RIBC2: variants seen among roughly 807,000 people sequenced by gnomAD.
RIBC2 encodes RIB43A domain with coiled-coils 2.
A neutral mutation model predicts 44.3 loss-of-function variants in RIBC2; 40 were observed. The ratio of observed to expected loss-of-function variants is 0.90; its 90% CI spans 0.70 to 1.18. The LOEUF (loss-of-function observed/expected upper bound fraction) is 1.18. RIBC2 is among the 50% of genes most tolerant of loss of function. The probability of loss-of-function intolerance (pLI) is 0.00; values close to 1 mark genes in which losing one functional copy is unlikely to be tolerated. For missense variants in RIBC2, 459 were observed against 485.5 expected (o/e 0.95, Z 0.51); for synonymous variants, 171 against 175.0 (o/e 0.98, Z 0.18).
chr22:45,430,358 G>T (rs1350823379), intron 5 of RIBC2, among the ~76,000 whole-genome samples: 1 of 152,220 alleles, frequency 6.6e-6, no homozygotes. Context: ...TCACAGTGAG[G>T]AGGGCAGTGA....
intron 5 of RIBC2, among the ~76,000 whole-genome samples, chr22:45,428,922 G>A (rs1053501990): frequency 6.6e-6 from 1 of 152,180 alleles, no homozygotes; most frequent in African/African-American, 2.4e-5. Context: ...TGTGGTCACC[G>A]CCTGCCTGAT....
chr22:45,424,698 C>G (rs1251966434), intron 4 of RIBC2, among the ~76,000 whole-genome samples: 1 of 151,972 alleles, frequency 6.6e-6, no homozygotes, highest in Non-Finnish European at 1.5e-5. Context: ...GTGGCTAGTC[C>G]CCGCAGGCTT....
At chr22:45,429,606 CT>C (rs2087561680) in intron 5 of RIBC2, among the ~76,000 whole-genome samples, 1 of 151,996 alleles carries the variant, frequency 6.6e-6, no homozygotes, top group Non-Finnish European at 1.5e-5. Flanking sequence ...GTGTGGGAGG[CT>C]GCAGTGGGGC....
intron 2 of RIBC2, among the ~76,000 whole-genome samples, chr22:45,415,046 A>C (rs575004021): frequency 6.6e-6 from 1 of 152,158 alleles, no homozygotes; most frequent in African/African-American, 2.4e-5. Flanking sequence ...TCCACTTCAA[A>C]TACAACTTAT....
chr22:45,421,167 C>T (rs1041363135), intron 3 of RIBC2, among the ~76,000 whole-genome samples: 14 of 151,826 alleles, frequency 9.2e-5, no homozygotes, highest in Non-Finnish European at 1.2e-4. Context: ...TGGTGGTGCG[C>T]GCCTGTAATC....
chr22:45,429,740 C>A (rs191530212), intron 5 of RIBC2, among the ~76,000 whole-genome samples: 5 of 152,112 alleles, frequency 3.3e-5, no homozygotes, highest in African/African-American at 1.2e-4. Context: ...CTGCCTGGAC[C>A]ATCTGGCACA....
At position 45,420,341 on chromosome 22, in the gene RIBC2, T is replaced by C. The variant is rs188390610; in HGVS notation, c.557-1949T>C. ...AGGGCTGTGCTAAAGTGCTATCTTA[T>C]CAGTGAGGCTTCCCCTGACCCCCCT... On this transcript the variant is annotated intron_variant, in intron 3 of 6. Transcript: ENST00000614167. Among the ~76,000 whole-genome samples, 438 of 152,288 alleles carry C rather than the reference T, an allele frequency of 2.9e-3. 3 individuals carry two copies. The highest frequency in any genetic ancestry group is 2.2e-3 in the Non-Finnish European group (152 of 68,020).
At chr22:45,425,070 G>A (rs1344179370) in intron 4 of RIBC2, among the ~76,000 whole-genome samples, 3 of 151,640 alleles carry the variant, frequency 2.0e-5, no homozygotes, top group Non-Finnish European at 2.9e-5. Context: ...GCAGTGAGCC[G>A]AGATTGTGCC....
intron 3 of RIBC2, among the ~76,000 whole-genome samples, chr22:45,419,950 C>T (rs1161079977): frequency 3.3e-5 from 5 of 152,126 alleles, no homozygotes; most frequent in East Asian, 3.9e-4. Context: ...GGCGTGAACC[C>T]GGGAGGCGGA....
chr22:45,414,358 C>T lies in RIBC2; in HGVS notation c.166C>T (p.Gln56Ter). ...AGCCTGGGATGTTCAAGTTCATGACCAGAAGATAAAAGAAGCTACTGAAAA... is the reference window on the plus strand; with the variant it reads ...AGCCTGGGATGTTCAAGTTCATGACTAGAAGATAAAAGAAGCTACTGAAAA... ...TEAWDVQVHD[Q>*]KIKEATEKAR... The change falls in exon 2 of 7, where the codon CAG (glutamine) becomes TAG (stop). Residue 56 changes from glutamine (Q) to a stop codon, truncating the protein, a stop_gained. Transcript: ENST00000614167. LOFTEE classifies it high-confidence loss of function. 6.4e-7 allele frequency: 1 copy of T among 1,551,088 alleles called. No homozygotes were observed. The highest frequency in any genetic ancestry group is 8.7e-7 in the Non-Finnish European group (1 of 1,146,818).
At chr22:45,430,854 T>C in intron 5 of RIBC2, 46 bp from the exon 6 acceptor site, 1 of 1,495,544 alleles carries the variant, frequency 6.7e-7, no homozygotes, top group Non-Finnish European at 8.9e-7. Flanking sequence ...CTGGGGTTCT[T>C]TGGCTCTGGG....
In RIBC2 at chr22:45,416,959, C is replaced by T. The variant is rs1022743704; in HGVS notation, c.212-643C>T. On this transcript the variant is annotated intron_variant, in intron 2 of 6. Transcript: ENST00000614167. ...TTCTGTAACCCAGCCTGGAATGCAG[C>T]GGCGTGATCTTGGCTCGTAGCAACC... Among the ~76,000 whole-genome samples, 84 of 142,464 alleles carry T rather than the reference C, an allele frequency of 5.9e-4. 1 individual carries two copies. Among genetic ancestry groups the T allele is most frequent in the African/African-American group, 2.1e-3 (79 of 37,986 alleles). 93.5% of individuals were successfully genotyped at this position (142,464 alleles called of 152,430 possible).
chr22:45,427,082 T>C (rs2087541121), intron 5 of RIBC2, among the ~76,000 whole-genome samples: 1 of 152,202 alleles, frequency 6.6e-6, no homozygotes, highest in African/African-American at 2.4e-5. Context: ...ATACGTCAAG[T>C]GTGCAAAGTC....
At chr22:45,428,691 C>T (rs1662892141) in intron 5 of RIBC2, among the ~76,000 whole-genome samples, 1 of 152,164 alleles carries the variant, frequency 6.6e-6, no homozygotes, top group South Asian at 2.1e-4. Flanking sequence ...AGAAGTAGAA[C>T]TGAGCAGGGC....
At position 45,414,032 on chromosome 22, in the gene RIBC2, C is replaced by T; in HGVS notation, c.129+17C>T. Reference sequence around the variant, plus strand: ...ATAATTGGGGTGAAAGGGCAGGGGCCGGGACGGGGTTAGAGCGGCAGATGC... The same window carrying T: ...ATAATTGGGGTGAAAGGGCAGGGGCTGGGACGGGGTTAGAGCGGCAGATGC... On this transcript the variant is annotated intron_variant, in intron 1 of 6. Coordinates refer to ENST00000614167, the MANE Select transcript of RIBC2 (RefSeq NM_015653.5). 6.4e-7 allele frequency: 1 copy of T among 1,550,688 alleles called. No homozygotes were observed. The highest frequency in any genetic ancestry group is 8.7e-7 in the Non-Finnish European group (1 of 1,146,432).
intron 6 of RIBC2, 99 bp from the exon 7 acceptor site, chr22:45,432,185 A>G (rs2087586107): frequency 3.1e-6 from 2 of 643,782 alleles, no homozygotes. Flanking sequence ...GGGATAACAC[A>G]CTAATAAAAA....
At chr22:45,425,905 G>A (rs1349857601) in intron 4 of RIBC2, 43 bp from the exon 5 acceptor site, 20 of 1,541,324 alleles carry the variant, frequency 1.3e-5, no homozygotes, top group Non-Finnish European at 1.6e-5. Context: ...GAATGCCCCT[G>A]GGGTCACTCG....
At chr22:45,423,327 T>C (rs1382961016) in intron 4 of RIBC2, among the ~76,000 whole-genome samples, 1 of 146,944 alleles carries the variant, frequency 6.8e-6, no homozygotes, top group East Asian at 2.2e-4. Context: ...CCCCACAAGG[T>C]TTTCTTTTCG....
At chr22:45,424,268 C>T (rs1234659080) in intron 4 of RIBC2, among the ~76,000 whole-genome samples, 3 of 152,166 alleles carry the variant, frequency 2.0e-5, no homozygotes, top group Admixed American at 6.5e-5. Context: ...CCAAGCAGGC[C>T]GGTCCAGTTC....
Sources: allele counts gnomAD v4.1 joint callset (sites outside exome capture counted in the v4.1 genomes callset), GRCh38; gene constraint gnomAD v4.1.1; transcripts MANE v1.5; gene names NCBI Gene and HGNC (gene_info 2026-07-23, HGNC 2026-07-21).